CACNA1H: variants seen among roughly 807,000 people sequenced by gnomAD.
The protein encoded by CACNA1H is calcium voltage-gated channel subunit alpha1 H, also known as voltage-dependent T-type calcium channel subunit alpha-1H.
CACNA1H carries 149 observed loss-of-function variants against 192.5 expected under a neutral mutation model. That is an observed-to-expected ratio of 0.77 (90% confidence interval 0.68 to 0.89). The LOEUF is 0.89. Among genes scored for constraint, CACNA1H ranks in the 40% least tolerant of loss-of-function variants. The probability of loss-of-function intolerance (pLI) is 0.00; values close to 1 mark genes in which losing one functional copy is unlikely to be tolerated. For synonymous variants in CACNA1H, 2,202 were observed against 1,475.2 expected (o/e 1.49, Z -11.29); for missense variants, 4,257 against 3,423.5 (o/e 1.24, Z -6.08).
At chr16:1,218,934 G>A in intron 33 of CACNA1H, 36 bp from the exon 34 acceptor site, 21 of 1,546,770 alleles carry the variant, frequency 1.4e-5, no homozygotes, top group Non-Finnish European at 1.8e-5. Context: ...GGAAGGCAGG[G>A]GCAGAGCTGC....
chr16:1,183,647 A>C (rs1965695760), intron 2 of CACNA1H, among the ~76,000 whole-genome samples: 1 of 152,224 alleles, frequency 6.6e-6, no homozygotes. Flanking sequence ...CGCCGCACTC[A>C]GGGCAGGCTC....
chr16:1,209,436 C>A (rs1382606601), intron 17 of CACNA1H, 24 bp downstream of exon 17: 1 of 1,590,632 alleles, frequency 6.3e-7, no homozygotes. Context: ...CCTGGGCCCA[C>A]CGCCGACTCG....
In CACNA1H at chr16:1,201,888, G is replaced by A. The variant is rs1350474919; in HGVS notation, c.1438G>A (p.Ala480Thr). The change falls in exon 9 of 35, where the codon GCC becomes ACC. Residue 480 changes from alanine to threonine, a missense_variant. Ala to Thr is a moderately conservative substitution (Grantham distance 58). Transcript: ENST00000348261. ...CAAGCGGCGCAGCTTGCGCCTCTAC[G>A]CCCGCTGGCAGAGCCGCTGGCGCAA... ...KVKRRSLRLY[A>T]RWQSRWRKKV... The A allele has an allele frequency of 7.1e-6, 11 of 1,551,778 alleles. No individual in the cohort carries two copies. In the Middle Eastern group the frequency reaches 5.1e-4, roughly 72 times the overall value.
chr16:1,178,575 A>G (rs1037921351), intron 2 of CACNA1H, among the ~76,000 whole-genome samples: 1 of 152,122 alleles, frequency 6.6e-6, no homozygotes, highest in African/African-American at 2.4e-5. Context: ...GGCCCTGCCC[A>G]CAGCATGGTC....
rs558813483 is a variant in CACNA1H, at chr16:1,219,056, G to A, written c.5974G>A (p.Gly1992Ser). 32 of 1,549,934 alleles carry A rather than the reference G, an allele frequency of 2.1e-5. No individual in the cohort carries two copies. The Admixed American group carries it at 2.2e-4, about 10-fold the overall frequency. ...PLAVSSPARS[G>S]EPLHALSPRG... ...GGCTGTGTCGTCCCCAGCCAGGAGC[G>A]GCGAGCCCCTCCACGCCCTGTCCCC... The change falls in exon 34 of 35, where the codon GGC becomes AGC. Residue 1992 changes from glycine to serine, a missense_variant. Coordinates refer to ENST00000348261, the MANE Select transcript of CACNA1H (RefSeq NM_021098.3).
Position 1,198,789 on chromosome 16 carries a change from C to A in CACNA1H, c.803+15C>A, listed in dbSNP as rs1161797192. On this transcript the variant is annotated intron_variant, in intron 6 of 34. Coordinates refer to ENST00000348261, the MANE Select transcript of CACNA1H (RefSeq NM_021098.3). ...GCCTTTGTCAGGTGCCCAGGCCCCACCCCCGTGAGGCCCCTGCCCAGATGG... is the reference window on the plus strand; with the variant it reads ...GCCTTTGTCAGGTGCCCAGGCCCCAACCCCGTGAGGCCCCTGCCCAGATGG... 6.2e-7 allele frequency: 1 copy of A among 1,602,732 alleles called. No homozygotes were observed. Among genetic ancestry groups the A allele is most frequent in the East Asian group, 2.2e-5 (1 of 44,672 alleles).
intron 5 of CACNA1H, among the ~76,000 whole-genome samples, chr16:1,197,720 G>T (rs1384576877): frequency 2.0e-5 from 3 of 152,162 alleles, no homozygotes; most frequent in African/African-American, 7.2e-5. Flanking sequence ...ACTCACCCTT[G>T]TGACCTGAGG....
intron 2 of CACNA1H, among the ~76,000 whole-genome samples, chr16:1,183,383 C>T (rs555981252): frequency 2.6e-5 from 4 of 152,310 alleles, no homozygotes; most frequent in Admixed American, 2.0e-4. Context: ...CCGCCCTCAG[C>T]GTGGAGCCGG....
At chr16:1,205,286 CA>C in intron 11 of CACNA1H, 21 bp downstream of exon 11, 1 of 1,583,562 alleles carries the variant, frequency 6.3e-7, no homozygotes, top group Non-Finnish European at 8.6e-7. Flanking sequence ...ACCCTCTCCC[CA>C]GGAAGAGGGG....
At chr16:1,207,672 C>G (rs1341877309) in intron 14 of CACNA1H, 98 bp from the exon 15 acceptor site, 1 of 1,153,574 alleles carries the variant, frequency 8.7e-7, no homozygotes, top group Non-Finnish European at 1.3e-6. Context: ...CCCTTCTGTC[C>G]ACACCCCACC....
intron 2 of CACNA1H, among the ~76,000 whole-genome samples, chr16:1,179,357 G>A (rs1019065073): frequency 2.6e-5 from 4 of 152,144 alleles, no homozygotes; most frequent in African/African-American, 9.7e-5. Context: ...TCGGGGATTG[G>A]GGGCCCCCCC....
At chr16:1,201,125 C>T (rs953300524) in intron 8 of CACNA1H, among the ~76,000 whole-genome samples, 6 of 152,248 alleles carry the variant, frequency 3.9e-5, no homozygotes, top group Admixed American at 6.5e-5. Flanking sequence ...CTTAGCTGGT[C>T]CTCTCATAGG....
intron 9 of CACNA1H, among the ~76,000 whole-genome samples, chr16:1,203,516 C>G (rs1968255941): frequency 6.6e-6 from 1 of 152,042 alleles, no homozygotes; most frequent in Non-Finnish European, 1.5e-5. Context: ...CAGGTGTGTG[C>G]CCAAATGTAT....
chr16:1,193,249 G>A (rs977692246), intron 2 of CACNA1H, among the ~76,000 whole-genome samples: 1 of 152,252 alleles, frequency 6.6e-6, no homozygotes, highest in East Asian at 1.9e-4. Flanking sequence ...CACCCCCGCA[G>A]AAAGGTGCTA....
Position 1,218,315 on chromosome 16 carries a change from C to T in CACNA1H, c.5551C>T (p.Leu1851=), listed in dbSNP as rs1359184434. The part of the protein sequence containing the change: ...VTFVLVAQFV[L]VNVVVAVLMK... ...CTTCGTGCTGGTGGCCCAGTTCGTG[C>T]TGGTGAACGTGGTGGTGGCCGTGCT... Residue 1851 remains leucine, a synonymous_variant, in exon 33 of 35, where the codon CTG becomes TTG. Coordinates refer to ENST00000348261, the MANE Select transcript of CACNA1H (RefSeq NM_021098.3). 1.9e-6 allele frequency: 3 copies of T among 1,557,010 alleles called. No homozygotes were observed. Among genetic ancestry groups the T allele is most frequent in the South Asian group, 2.4e-5 (2 of 84,340 alleles).
chr16:1,154,233 C>T (rs1596272290), intron 2 of CACNA1H, among the ~76,000 whole-genome samples, 197 bp downstream of exon 2: 1 of 151,844 alleles, frequency 6.6e-6, no homozygotes. Flanking sequence ...TGGGGGGCCA[C>T]CGGGCGCCTC....
rs61018135 is a variant in CACNA1H at position 1,204,076 on chromosome 16, C to T, written c.2069C>T (p.Ala690Val). ...CCCTGCCCCCTGCCCAGCCCCCCAG[C>T]GGGCACACTGACCTGTGAGCTGAAG... ...SVPCPLPSPP[A>V]GTLTCELKSC... Residue 690 changes from alanine (A) to valine (V), a missense_variant, in exon 10 of 35, where the codon GCG becomes GTG. Physicochemically the swap from Ala to Val is moderately conservative, Grantham distance 64. Coordinates refer to ENST00000348261, the MANE Select transcript of CACNA1H (RefSeq NM_021098.3). The T allele has an allele frequency of 4.9e-4, 791 of 1,604,682 alleles. No homozygotes were observed. Among genetic ancestry groups the T allele is most frequent in the Non-Finnish European group, 6.3e-4 (738 of 1,176,356 alleles).
At chr16:1,207,902 G>A (rs776039707) in intron 15 of CACNA1H, 42 bp downstream of exon 15, 4 of 1,551,400 alleles carry the variant, frequency 2.6e-6, no homozygotes, top group African/African-American at 1.4e-5. Flanking sequence ...GGCGGGTGGA[G>A]TACGCTGGGC....
At chr16:1,187,018 G>C (rs891105553) in intron 2 of CACNA1H, among the ~76,000 whole-genome samples, 4 of 152,216 alleles carry the variant, frequency 2.6e-5, no homozygotes, top group Non-Finnish European at 4.4e-5. Flanking sequence ...CTCTTGATGT[G>C]GGACCAAAGC....
Sources: gnomAD v4.1 joint callset for allele counts (sites outside exome capture counted in the v4.1 genomes callset) on GRCh38, gnomAD v4.1.1 for gene constraint, MANE v1.5 for transcripts, NCBI Gene and HGNC (gene_info 2026-07-23, HGNC 2026-07-21) for gene names.